The following ASAP2 variants were observed in gnomAD, a reference collection of about 807,000 sequenced individuals.
The protein encoded by ASAP2 is arf-GAP with SH3 domain, ANK repeat and PH domain-containing protein 2.
A neutral mutation model predicts 131.4 loss-of-function variants in ASAP2; 45 were observed. That is an observed-to-expected ratio of 0.34 (90% CI 0.27 to 0.44). The LOEUF is 0.44. Among genes scored for constraint, ASAP2 ranks in the 20% least tolerant of loss-of-function variants. The pLI is 1.00. For synonymous variants in ASAP2, 510 were observed against 503.0 expected (o/e 1.01, Z -0.19); for missense variants, 1,011 against 1,297.0 (o/e 0.78, Z 3.39).
At chr2:9,266,393 CA>C (rs1354593781) in intron 1 of ASAP2, among the ~76,000 whole-genome samples, 21 of 152,186 alleles carry the variant, frequency 1.4e-4, no homozygotes, top group Admixed American at 1.2e-3. Context: ...GTGGTCTGCC[CA>C]CCTCAGCCTT....
At chr2:9,350,779 C>A in intron 11 of ASAP2, 29 bp from the exon 12 acceptor site, 1 of 1,599,478 alleles carries the variant, frequency 6.3e-7, no homozygotes, top group Non-Finnish European at 8.6e-7. Flanking sequence ...CAACCCCAAC[C>A]TTTTTTGTTG....
At chr2:9,236,212 GTC>G (rs1369014074) in intron 1 of ASAP2, among the ~76,000 whole-genome samples, 4 of 152,220 alleles carry the variant, frequency 2.6e-5, no homozygotes, top group South Asian at 4.2e-4. Context: ...GTGGGCCTGA[GTC>G]TCTCTGTAAG....
chr2:9,384,937 T>TC (rs1675149236), intron 20 of ASAP2, among the ~76,000 whole-genome samples: 1 of 152,250 alleles, frequency 6.6e-6, no homozygotes, highest in African/African-American at 2.4e-5. Context: ...AGAGAGATTC[T>TC]GTCTCCTGAG....
chr2:9,210,466 G>C, intron 1 of ASAP2, among the ~76,000 whole-genome samples: 1 of 152,188 alleles, frequency 6.6e-6, no homozygotes, highest in East Asian at 1.9e-4. Flanking sequence ...TTTGGAGTGA[G>C]GATGGGATTT....
chr2:9,307,460 T>C (rs1476316072), intron 3 of ASAP2, among the ~76,000 whole-genome samples: 2 of 152,250 alleles, frequency 1.3e-5, no homozygotes, highest in African/African-American at 2.4e-5. Flanking sequence ...GGTTGATGGC[T>C]TCAGCAAATG....
At chr2:9,338,833 G>A (rs545139246) in intron 9 of ASAP2, among the ~76,000 whole-genome samples, 1 of 152,252 alleles carries the variant, frequency 6.6e-6, no homozygotes, top group East Asian at 1.9e-4. Context: ...GTGCCATCAG[G>A]GATGACTTCC....
In ASAP2 at chr2:9,297,382, A is replaced by C; in HGVS notation, c.282A>C (p.Leu94Phe). ...GTGTATGCAGAGATGACCCAGATTT[A>C]GGAAGTGCGTTCCTGAAGTTCTCAG... ...GNCVCRDDPD[L>F]GSAFLKFSVF... The change falls in exon 3 of 28, where the codon TTA becomes TTC. Residue 94 changes from leucine (L) to phenylalanine (F), a missense_variant. Transcript: ENST00000281419. 2.5e-6 allele frequency: 4 copies of C among 1,614,206 alleles called. No individual in the cohort carries two copies. The highest frequency in any genetic ancestry group is 3.4e-6 in the Non-Finnish European group (4 of 1,180,046).
intron 1 of ASAP2, among the ~76,000 whole-genome samples, chr2:9,267,897 CAAAAAAA>C (rs34716225): frequency 1.5e-5 from 1 of 65,022 alleles, no homozygotes; most frequent in Non-Finnish European, 2.7e-5. Flanking sequence ...GACTCTATCT[CAAAAAAA>C]AAAAAAAAAA....
At position 9,268,624 on chromosome 2, in the gene ASAP2, G is replaced by T. The variant is rs549565941; in HGVS notation, c.127-10693G>T. On this transcript the variant is annotated intron_variant, in intron 1 of 27. Coordinates refer to ENST00000281419, the MANE Select transcript of ASAP2 (RefSeq NM_003887.3). The surrounding 1 kb of genome is among the most constrained non-coding windows in gnomAD (Gnocchi z 4.1). ...TACTTTCTGAAGAGTCGAATGCGTG[G>T]TGAGACAAAGCTGCCATCTGAATGT... 2.0e-4 allele frequency among the ~76,000 whole-genome samples: 30 copies of T among 152,218 alleles called. No homozygotes were observed. Among genetic ancestry groups the T allele is most frequent in the Non-Finnish European group, 3.4e-4 (23 of 68,042 alleles).
chr2:9,297,584 C>T, intron 3 of ASAP2, 139 bp downstream of exon 3: 2 of 1,016,746 alleles, frequency 2.0e-6, no homozygotes, highest in Non-Finnish European at 2.8e-6. Context: ...TGTTTTTATA[C>T]ACATTGGGTC....
rs140314593 is a variant in ASAP2, at chr2:9,374,827, C to T, written c.1629C>T (p.Asn543=). The part of the protein sequence containing the change: ...RRYARKKHAD[N]AAKLHSLCEA... ...ACGCAAGGAAGAAGCACGCGGATAA[C>T]GCGGCGAAGCTTCACAGTCTTTGCG... The change falls in exon 17 of 28, where the codon AAC becomes AAT. Residue 543 remains asparagine (N), a synonymous_variant. Coordinates refer to ENST00000281419, the MANE Select transcript of ASAP2 (RefSeq NM_003887.3). The T allele has an allele frequency of 5.2e-4, 834 of 1,613,970 alleles. No individual in the cohort carries two copies. Among genetic ancestry groups the T allele is most frequent in the Non-Finnish European group, 6.7e-4 (788 of 1,180,006 alleles).
At chr2:9,278,406 G>C (rs551312197) in intron 1 of ASAP2, among the ~76,000 whole-genome samples, 2 of 152,022 alleles carry the variant, frequency 1.3e-5, no homozygotes, top group East Asian at 3.9e-4. Context: ...CCAGCTACTT[G>C]GGAGGCTGAG....
intron 24 of ASAP2, 90 bp from the exon 25 acceptor site, chr2:9,399,933 T>C (rs1572643519): frequency 3.7e-6 from 5 of 1,353,946 alleles, no homozygotes; most frequent in Non-Finnish European, 5.3e-6. Context: ...ACTCTGAGCT[T>C]GAACTCAGAA....
chr2:9,324,062 T>C (rs188813564), intron 6 of ASAP2, among the ~76,000 whole-genome samples: 16 of 152,290 alleles, frequency 1.1e-4, no homozygotes, highest in Admixed American at 1.0e-3. Context: ...AGTGCAAACT[T>C]AGGTTTCAAA....
intron 3 of ASAP2, among the ~76,000 whole-genome samples, chr2:9,298,210 C>G (rs1229602407): frequency 6.6e-6 from 1 of 152,212 alleles, no homozygotes; most frequent in Non-Finnish European, 1.5e-5. Flanking sequence ...CTCAGTAATG[C>G]TTTCTCTGTA....
intron 5 of ASAP2, among the ~76,000 whole-genome samples, chr2:9,321,905 A>G (rs947158472): frequency 6.6e-6 from 1 of 152,232 alleles, no homozygotes; most frequent in South Asian, 2.1e-4. Flanking sequence ...TTCTTTATTA[A>G]TGTGGGAGAT....
intron 7 of ASAP2, among the ~76,000 whole-genome samples, chr2:9,331,292 T>G (rs1670823731): frequency 6.6e-6 from 1 of 152,230 alleles, no homozygotes; most frequent in South Asian, 2.1e-4. Flanking sequence ...TCGCTTTAAG[T>G]GTTCTTAAAG....
At chr2:9,323,057 C>T (rs1249928149) in intron 5 of ASAP2, 64 bp from the exon 6 acceptor site, 3 of 1,603,004 alleles carry the variant, frequency 1.9e-6, no homozygotes, top group African/African-American at 2.7e-5. Flanking sequence ...GGGGTGGCTT[C>T]AAGGCTGTCC....
chr2:9,302,722 G>T (rs771490426), intron 3 of ASAP2, among the ~76,000 whole-genome samples: 3 of 152,038 alleles, frequency 2.0e-5, no homozygotes, highest in Admixed American at 6.6e-5. Context: ...TGATCCACCC[G>T]CCTGGGTCTC....
Sources: gnomAD v4.1 joint callset for allele counts (sites outside exome capture counted in the v4.1 genomes callset) on GRCh38, gnomAD v4.1.1 for gene constraint, Gnocchi (gnomAD v3.1) non-coding constraint, MANE v1.5 for transcripts, NCBI Gene and HGNC (gene_info 2026-07-23, HGNC 2026-07-21) for gene names.